Variants in GRIP2 observed in about 807,000 individuals in gnomAD.
The protein encoded by GRIP2 is glutamate receptor-interacting protein 2.
In GRIP2, 58 loss-of-function variants were observed where a neutral mutation model predicts 108.3. The observed-to-expected ratio is 0.54, with a 90% CI of 0.43 to 0.67. GRIP2 has a LOEUF of 0.67. Ranked by LOEUF, GRIP2 falls within the 30% of genes least tolerant of loss-of-function variation. The probability of loss-of-function intolerance (pLI) is 0.00; values close to 1 mark genes in which losing one functional copy is unlikely to be tolerated. For synonymous variants in GRIP2, 586 were observed against 598.2 expected, an observed-to-expected ratio of 0.98 and a Z score of 0.30; for missense variants, 1,278 against 1,430.6, an observed-to-expected ratio of 0.89 and a Z score of 1.72.
chr3:14,495,118 C>T, intron 22 of GRIP2, 129 bp from the exon 23 acceptor site: 1 of 1,223,918 alleles, frequency 8.2e-7, no homozygotes, highest in Non-Finnish European at 1.1e-6. Flanking sequence ...TGCAGCACCC[C>T]AGCCTCTTGC....
intron 1 of GRIP2, among the ~76,000 whole-genome samples, chr3:14,552,427 T>C (rs4234528): frequency 0.84 from 127,356 of 152,202 alleles, 53,481 homozygotes; most frequent in South Asian, 0.9. Context: ...ACAATACCTA[T>C]GACGTAATAG....
At chr3:14,499,044 C>T (rs1693694398) in intron 21 of GRIP2, among the ~76,000 whole-genome samples, 1 of 152,140 alleles carries the variant, frequency 6.6e-6, no homozygotes, top group Non-Finnish European at 1.5e-5. Context: ...TGTCTGCCCA[C>T]AGGGGTACAA....
Position 14,489,570 on chromosome 3 carries a change from G to A in GRIP2, c.*4095C>T, listed in dbSNP as rs1701278742. 6.6e-6 allele frequency: 1 copy of A among 152,264 alleles called. No individual in the cohort carries two copies. The highest frequency in any genetic ancestry group is 2.4e-5 in the African/African-American group (1 of 41,440). 9.4% of individuals were successfully genotyped at this position (152,264 alleles called of 1,614,324 possible). On this transcript the variant is annotated 3_prime_UTR_variant, in exon 24 of 24. Coordinates refer to ENST00000621039, the MANE Select transcript of GRIP2 (RefSeq NM_001080423.4). Reference sequence around the variant, plus strand: ...AACCTGGATTCGCACCCGGGCCCATGAGCTCTTGGCTCTACTGGCTCTACT... The same window carrying A: ...AACCTGGATTCGCACCCGGGCCCATAAGCTCTTGGCTCTACTGGCTCTACT...
the GRIP2 span, among the ~76,000 whole-genome samples, chr3:14,572,286 C>T: frequency 1.3e-5 from 2 of 151,802 alleles, no homozygotes; most frequent in African/African-American, 4.8e-5. Flanking sequence ...AAAACGCTCC[C>T]AGGTCATTTA....
At chr3:14,542,396 C>T (rs531870572), upstream of GRIP2, among the ~76,000 whole-genome samples, 54 of 152,290 alleles carry the variant, frequency 3.5e-4, no homozygotes, top group African/African-American at 1.3e-3. Flanking sequence ...TCTGCTCCTT[C>T]TCAAAACAAA....
chr3:14,512,758 G>A lies in GRIP2; in HGVS notation c.1720+19C>T. ...TTGAGCTCGCTCCCAGGGGCAAACA[G>A]CAGCGGGAGGAGACTCACAGCTGAT... is the stretch of plus-strand genomic sequence containing the variant. On this transcript the variant is annotated intron_variant, in intron 14 of 23. Transcript: ENST00000621039. The surrounding 1 kb of genome is among the most constrained non-coding windows in gnomAD (Gnocchi z 5.1). 2 of 1,608,302 alleles carry A rather than the reference G, an allele frequency of 1.2e-6. No individual in the cohort carries two copies. The highest frequency in any genetic ancestry group is 1.7e-6 in the Non-Finnish European group (2 of 1,175,518).
chr3:14,576,040 G>A, the GRIP2 span, among the ~76,000 whole-genome samples: 2 of 152,234 alleles, frequency 1.3e-5, no homozygotes, highest in Admixed American at 1.3e-4. Context: ...CCACCCCTGT[G>A]GGGCTCAGGA....
rs1471973269 is a variant in GRIP2 at position 14,496,414 on chromosome 3, T to C, written c.2823+3A>G. The stretch of plus-strand genomic sequence containing the variant: ...GTCTCCTGTGCTCACCCCCTGTGCC[T>C]ACCTTGTGCATCTCCAAGGGTGTAG... On this transcript the variant is annotated splice_donor_region_variant and intron_variant, in intron 22 of 23. Coordinates refer to ENST00000621039, the MANE Select transcript of GRIP2 (RefSeq NM_001080423.4). The C allele has an allele frequency of 1.2e-6, 2 of 1,608,390 alleles. No homozygotes were observed. Among genetic ancestry groups the C allele is most frequent in the African/African-American group, 2.7e-5 (2 of 74,836 alleles).
At chr3:14,569,958 TC>T in the GRIP2 span, among the ~76,000 whole-genome samples, 3 of 152,166 alleles carry the variant, frequency 2.0e-5, no homozygotes, top group Non-Finnish European at 4.4e-5. Flanking sequence ...ACTATAATTA[TC>T]CCAATTTTAC....
chr3:14,508,113 G>C (rs2124875510), intron 17 of GRIP2, among the ~76,000 whole-genome samples: 1 of 152,332 alleles, frequency 6.6e-6, no homozygotes, highest in Middle Eastern at 3.4e-3. Context: ...GAACGGAATG[G>C]ATTCCTACTT....
chr3:14,557,536 C>G (rs1314273447), upstream of GRIP2, among the ~76,000 whole-genome samples: 1 of 152,204 alleles, frequency 6.6e-6, no homozygotes, highest in Non-Finnish European at 1.5e-5. Context: ...TTTACACAGA[C>G]TCTGCTGAGG....
chr3:14,561,155 A>G, the GRIP2 span, among the ~76,000 whole-genome samples: 1 of 152,206 alleles, frequency 6.6e-6, no homozygotes, highest in South Asian at 2.1e-4. Flanking sequence ...TTTTTGCAGG[A>G]TCCTTCTGCA....
Position 14,513,750 on chromosome 3 carries a change from G to C in GRIP2, c.1554C>G (p.Asp518Glu). The C allele has an allele frequency of 6.2e-7, 1 of 1,611,634 alleles. No individual in the cohort carries two copies. Among genetic ancestry groups the C allele is most frequent in the Non-Finnish European group, 8.5e-7 (1 of 1,179,050 alleles). Residue 518 changes from aspartate (D) to glutamate (E), a missense_variant, in exon 13 of 24, where the codon GAC (aspartate) becomes GAG (glutamate). Coordinates refer to ENST00000621039, the MANE Select transcript of GRIP2 (RefSeq NM_001080423.4). ...GCTGGTTGGCTTCCTCCATAGTCCC[G>C]TCCTCGGTGGCAATGCCATTGATGG... ...VLSINGIATE[D>E]GTMEEANQLL...
chr3:14,572,379 C>T, the GRIP2 span, among the ~76,000 whole-genome samples: 1 of 151,076 alleles, frequency 6.6e-6, no homozygotes, highest in Non-Finnish European at 1.5e-5. Flanking sequence ...TTTGGGAGGC[C>T]GAATGGGCGG....
chr3:14,579,859 C>T, the GRIP2 span, among the ~76,000 whole-genome samples: 10 of 152,332 alleles, frequency 6.6e-5, no homozygotes, highest in African/African-American at 2.4e-4. Context: ...GCTCACAGCA[C>T]TGCAGCAGCA....
the GRIP2 span, chr3:14,574,289 C>A: frequency 1.0e-6 from 1 of 969,012 alleles, no homozygotes; most frequent in South Asian, 1.3e-5. Context: ...TGAGCCGTCC[C>A]ACCATGCTCA....
At chr3:14,509,662 G>C (rs893124016) in intron 17 of GRIP2, among the ~76,000 whole-genome samples, 158 bp downstream of exon 17, 2 of 152,268 alleles carry the variant, frequency 1.3e-5, no homozygotes, top group African/African-American at 4.8e-5. Flanking sequence ...TACAAATGCA[G>C]ACCTGAGTCT....
At chr3:14,593,597 C>T in the GRIP2 span, among the ~76,000 whole-genome samples, 6 of 152,190 alleles carry the variant, frequency 3.9e-5, no homozygotes, top group South Asian at 2.1e-4. Flanking sequence ...ACCAACGATG[C>T]CACCCCATGG....
In GRIP2 at chr3:14,507,315, C is replaced by T. The variant is rs6786521; in HGVS notation, c.2218+246G>A. Reference sequence around the variant, plus strand: ...GAGTTATGGCCATGAAGCATACACACGTGAGCACCTTAAGAGGCAGGAAGT... The same window carrying T: ...GAGTTATGGCCATGAAGCATACACATGTGAGCACCTTAAGAGGCAGGAAGT... On this transcript the variant is annotated intron_variant, in intron 18 of 23. Transcript: ENST00000621039. This position sits in a 1 kb window ranked among gnomAD's most constrained non-coding sequence, Gnocchi z 4.6. Among the ~76,000 whole-genome samples the T allele has an allele frequency of 3.5e-3, 526 of 152,348 alleles. 4 individuals are homozygous for T. Among genetic ancestry groups the T allele is most frequent in the African/African-American group, 0.011 (438 of 41,576 alleles).
Sources: allele counts gnomAD v4.1 joint callset (sites outside exome capture counted in the v4.1 genomes callset), GRCh38; gene constraint gnomAD v4.1.1; non-coding constraint Gnocchi (gnomAD v3.1); transcripts MANE v1.5; gene names NCBI Gene and HGNC (gene_info 2026-07-23, HGNC 2026-07-21).